Variants in ATL1 observed in about 807,000 individuals in gnomAD.
ATL1 encodes the protein atlastin GTPase 1, also known as atlastin-1.
ATL1 carries 31 observed loss-of-function variants against 75.5 expected under a neutral mutation model. The ratio of observed to expected loss-of-function variants is 0.41; its 90% confidence interval spans 0.31 to 0.55. ATL1 has a LOEUF of 0.55. Among genes scored for constraint, ATL1 ranks in the 20% least tolerant of loss-of-function variants. ATL1 has a pLI of 0.27. For synonymous variants in ATL1, 226 were observed against 233.3 expected, an observed-to-expected ratio of 0.97 and a Z score of 0.28; for missense variants, 405 against 662.6, an observed-to-expected ratio of 0.61 and a Z score of 4.27.
At chr14:50,565,547 T>C (rs1380051060) in intron 1 of ATL1, among the ~76,000 whole-genome samples, 1 of 152,100 alleles carries the variant, frequency 6.6e-6, no homozygotes, top group Non-Finnish European at 1.5e-5. Context: ...ATATAAGACA[T>C]GTACTGTAGA....
chr14:50,567,902 C>T (rs1322762435), intron 1 of ATL1, among the ~76,000 whole-genome samples: 5 of 152,072 alleles, frequency 3.3e-5, no homozygotes, highest in African/African-American at 4.8e-5. Context: ...ATGTGGACTC[C>T]CTTATAGTCT....
chr14:50,564,091 A>T (rs1033749506), intron 1 of ATL1, among the ~76,000 whole-genome samples: 2 of 152,198 alleles, frequency 1.3e-5, no homozygotes, highest in Admixed American at 1.3e-4. Flanking sequence ...TGCTGTATAA[A>T]TTTGATCATT....
chr14:50,537,752 TG>T (rs2038513054), intron 1 of ATL1, among the ~76,000 whole-genome samples: 1 of 152,258 alleles, frequency 6.6e-6, no homozygotes, highest in African/African-American at 2.4e-5. Flanking sequence ...ATTTCAGACT[TG>T]CAGGGGGCCT....
chr14:50,553,920 G>T (rs889161981), intron 1 of ATL1, among the ~76,000 whole-genome samples: 3 of 152,158 alleles, frequency 2.0e-5, no homozygotes, highest in African/African-American at 7.2e-5. Context: ...AAAGGCATAA[G>T]AATGATATAA....
At chr14:50,586,232 T>C (rs1189643154) in intron 1 of ATL1, among the ~76,000 whole-genome samples, 1 of 152,206 alleles carries the variant, frequency 6.6e-6, no homozygotes, top group East Asian at 1.9e-4. Flanking sequence ...ATTATCATTG[T>C]CTTAGTCACT....
chr14:50,603,315 T>C (rs1266870498), intron 6 of ATL1, among the ~76,000 whole-genome samples: 1 of 152,208 alleles, frequency 6.6e-6, no homozygotes, highest in East Asian at 1.9e-4. Flanking sequence ...TTCATACACT[T>C]AAAAGCCCAG....
intron 1 of ATL1, among the ~76,000 whole-genome samples, chr14:50,576,889 G>T (rs2039010860): frequency 1.3e-5 from 2 of 151,194 alleles, no homozygotes; most frequent in South Asian, 4.2e-4. Context: ...TTTTAGATTA[G>T]CAAGGATAAT....
intron 1 of ATL1, among the ~76,000 whole-genome samples, chr14:50,573,108 C>T (rs891587711): frequency 5.9e-5 from 9 of 152,162 alleles, no homozygotes; most frequent in African/African-American, 1.4e-4. Flanking sequence ...TCACCTCCCA[C>T]GAGGTCCTTC....
intron 1 of ATL1, among the ~76,000 whole-genome samples, chr14:50,581,075 CTT>C (rs1433029871): frequency 6.6e-6 from 1 of 151,456 alleles, no homozygotes; most frequent in African/African-American, 2.4e-5. Flanking sequence ...GGTTTTTTCT[CTT>C]ATTTTCTTTG....
At chr14:50,571,943 A>T in intron 1 of ATL1, 2 of 379,862 alleles carry the variant, frequency 5.3e-6, no homozygotes, top group Non-Finnish European at 5.0e-6. Flanking sequence ...ACATGATGGT[A>T]CTATTTCCTT....
chr14:50,581,134 T>A (rs948354394), intron 1 of ATL1, among the ~76,000 whole-genome samples: 13 of 151,922 alleles, frequency 8.6e-5, no homozygotes, highest in African/African-American at 2.9e-4. Context: ...TGATTTCTAG[T>A]TCATTTATTT....
upstream of ATL1, among the ~76,000 whole-genome samples, chr14:50,558,316 G>A (rs1010996533): frequency 1.2e-4 from 19 of 152,292 alleles, no homozygotes; most frequent in African/African-American, 4.1e-4. Context: ...CTGAGATCAC[G>A]CCACTGCACT....
chr14:50,560,246 C>T lies in ATL1; in HGVS notation c.-20C>T. 1 of 1,613,734 alleles carries T rather than the reference C, an allele frequency of 6.2e-7. No homozygotes were observed. The highest frequency in any genetic ancestry group is 8.5e-7 in the Non-Finnish European group (1 of 1,179,802). On this transcript the variant is annotated 5_prime_UTR_variant, in exon 1 of 14. Coordinates refer to ENST00000358385, the MANE Select transcript of ATL1 (RefSeq NM_015915.5). ...CGAGCGCAGTGACAGCGCCTCACCGCCACCAGCTCCTGGACCACCATGGCC... is the reference window on the plus strand; with the variant it reads ...CGAGCGCAGTGACAGCGCCTCACCGTCACCAGCTCCTGGACCACCATGGCC...
chr14:50,572,229 C>A, intron 1 of ATL1: 1 of 235,078 alleles, frequency 4.3e-6, no homozygotes, highest in Non-Finnish European at 8.3e-6. Flanking sequence ...CAAGGTTATA[C>A]TAATTTTATA....
In ATL1 at chr14:50,626,398, G is replaced by A. The variant is rs564321208; in HGVS notation, c.1120-1633G>A. ...GATACCAACCCTTCTGGATGACTTT[G>A]AGAGGGGTCCAAGACTTCAGTGGAG... On this transcript the variant is annotated intron_variant, in intron 11 of 13. Coordinates refer to ENST00000358385, the MANE Select transcript of ATL1 (RefSeq NM_015915.5). 2.2e-4 allele frequency among the ~76,000 whole-genome samples: 34 copies of A among 152,338 alleles called. No homozygotes were observed. In the South Asian group the frequency reaches 7.0e-3, roughly 32 times the overall value.
upstream of ATL1, among the ~76,000 whole-genome samples, chr14:50,557,854 G>T: frequency 6.6e-6 from 1 of 152,240 alleles, no homozygotes; most frequent in East Asian, 1.9e-4. Context: ...TTGGAGAAAT[G>T]GCTATTCTAG....
rs372540238 is a variant in ATL1 at position 50,590,438 on chromosome 14, G to C, written c.283-503G>C. Among the ~76,000 whole-genome samples the C allele has an allele frequency of 7.2e-5, 11 of 152,064 alleles. No individual in the cohort carries two copies. In the East Asian group the frequency reaches 7.7e-4, roughly 11 times the overall value. On this transcript the variant is annotated intron_variant, in intron 2 of 13. Coordinates refer to ENST00000358385, the MANE Select transcript of ATL1 (RefSeq NM_015915.5). ...CTCCCACAAAACCAAAGCATAATAT[G>C]CTCCCTACTTCCTTCCTTTCTGCCT...
chr14:50,603,264 A>G (rs1240847062), intron 6 of ATL1, among the ~76,000 whole-genome samples: 1 of 152,142 alleles, frequency 6.6e-6, no homozygotes, highest in Non-Finnish European at 1.5e-5. Flanking sequence ...TCTGGAGTTA[A>G]TTCAGCCCAG....
At chr14:50,577,985 G>A (rs117124396) in intron 1 of ATL1, among the ~76,000 whole-genome samples, 271 of 152,248 alleles carry the variant, frequency 1.8e-3, no homozygotes, top group Admixed American at 3.6e-3. Context: ...ATGGGCTGAT[G>A]TTAATGATAG....
Sources: allele counts gnomAD v4.1 joint callset (sites outside exome capture counted in the v4.1 genomes callset), GRCh38; gene constraint gnomAD v4.1.1; transcripts MANE v1.5; gene names NCBI Gene and HGNC (gene_info 2026-07-23, HGNC 2026-07-21).